Variants in PLA1A observed in about 807,000 individuals in gnomAD.
The protein encoded by PLA1A is phosphatidylserine-specific phospholipase A1alpha.
PLA1A carries 47 observed loss-of-function variants against 49.4 expected under a neutral mutation model. The ratio of observed to expected loss-of-function variants is 0.95; its 90% CI spans 0.75 to 1.21. PLA1A has a LOEUF of 1.21. Ranked by LOEUF, PLA1A falls within the 50% of genes most tolerant of loss-of-function variation. PLA1A has a pLI of 0.00. For synonymous variants in PLA1A, 224 were observed against 207.9 expected (o/e 1.08, Z -0.67); for missense variants, 561 against 563.9 (o/e 0.99, Z 0.05).
intron 3 of PLA1A, among the ~76,000 whole-genome samples, chr3:119,609,180 C>T (rs779133596): frequency 1.8e-4 from 27 of 152,008 alleles, no homozygotes; most frequent in Non-Finnish European, 2.8e-4. Context: ...CTTTAGACAG[C>T]GAATGCAGAT....
At chr3:119,624,910 C>G (rs932838592) in intron 8 of PLA1A, among the ~76,000 whole-genome samples, 1 of 152,216 alleles carries the variant, frequency 6.6e-6, no homozygotes, top group Non-Finnish European at 1.5e-5. Flanking sequence ...GGATTACAGG[C>G]GTGAACCACT....
chr3:119,608,242 GAGAAAGAAAGAAAGAAAGAAAGAA>G (rs560277882), intron 2 of PLA1A, among the ~76,000 whole-genome samples: 26 of 123,730 alleles, frequency 2.1e-4, no homozygotes, highest in Admixed American at 1.3e-3. Flanking sequence ...GAAAGAAAGA[GAGAAAGAAAGAAAGAAAGAAAGAA>G]AGAAAGAAAG....
intron 2 of PLA1A, chr3:119,607,194 C>A: frequency 1.8e-6 from 1 of 564,036 alleles, no homozygotes; most frequent in Non-Finnish European, 3.2e-6. Context: ...CCAGTCTTGT[C>A]TACACACTCA....
At position 119,609,680 on chromosome 3, in the gene PLA1A, C is replaced by T. The variant is rs1038492321; in HGVS notation, c.562+104C>T. The T allele has an allele frequency of 1.3e-5, 8 of 624,472 alleles. No homozygotes were observed. The African/African-American group carries it at 1.5e-4, about 12-fold the overall frequency. The allele number at this position is 624,472 out of a possible 1,614,324, so 38.7% of individuals were successfully genotyped here. On this transcript the variant is annotated intron_variant, in intron 4 of 10. Transcript: ENST00000273371. ...CAGAGGGGAGTACAGAGCCTTTGTT[C>T]TCACGATCAAGTCACCTATTACCAC...
intron 4 of PLA1A, among the ~76,000 whole-genome samples, 191 bp from the exon 5 acceptor site, chr3:119,612,826 G>A (rs1472896830): frequency 6.6e-6 from 1 of 152,178 alleles, no homozygotes; most frequent in Non-Finnish European, 1.5e-5. Flanking sequence ...GGGTCATTGA[G>A]AGGTTACCTC....
chr3:119,629,711 T>G lies in PLA1A; in HGVS notation c.*243T>G. 1 of 463,670 alleles carries G rather than the reference T, an allele frequency of 2.2e-6. No homozygotes were observed. Among genetic ancestry groups the G allele is most frequent in the East Asian group, 3.1e-5 (1 of 32,018 alleles). 28.7% of individuals were successfully genotyped at this position (463,670 alleles called of 1,614,324 possible). A position where few individuals can be genotyped will look rare whatever the true frequency, so the allele number is the denominator to read the frequency against. ...TTTAGCTTTCCCATGCATACTTAAC[T>G]GCACTTGCTTTATCTCCTTGGGCAT... On this transcript the variant is annotated 3_prime_UTR_variant, in exon 11 of 11. Coordinates refer to ENST00000273371, the MANE Select transcript of PLA1A (RefSeq NM_015900.4).
At chr3:119,623,048 C>T (rs552315153) in intron 8 of PLA1A, among the ~76,000 whole-genome samples, 55 of 152,076 alleles carry the variant, frequency 3.6e-4, no homozygotes, top group African/African-American at 1.2e-3. Flanking sequence ...AGGCTGGTCT[C>T]GAACTCCTGA....
Position 119,609,883 on chromosome 3 carries a change from G to T in PLA1A, c.562+307G>T, listed in dbSNP as rs950949175. Among the ~76,000 whole-genome samples the T allele has an allele frequency of 3.3e-5, 5 of 152,168 alleles. No individual in the cohort carries two copies. The East Asian group carries it at 9.6e-4, about 29-fold the overall frequency. On this transcript the variant is annotated intron_variant, in intron 4 of 10. Transcript: ENST00000273371. Reference sequence around the variant, plus strand: ...TGTGCAGGTTTATTACATGGGTGTAGCATGTGATGCTGAGGTTCAGGTTTC... The same window carrying T: ...TGTGCAGGTTTATTACATGGGTGTATCATGTGATGCTGAGGTTCAGGTTTC...
At chr3:119,627,781 C>T (rs2052563831) in intron 9 of PLA1A, among the ~76,000 whole-genome samples, 1 of 152,246 alleles carries the variant, frequency 6.6e-6, no homozygotes, top group Non-Finnish European at 1.5e-5. Flanking sequence ...TCCTTGATCC[C>T]CCACTCACCA....
At position 119,629,307 on chromosome 3, in the gene PLA1A, T is replaced by A. The variant is rs181377952; in HGVS notation, c.1287-77T>A. ...TGCAGATTTCTTTCACCAGACATCA[T>A]GGGAATTCAAAAGCCACACAATGCC... On this transcript the variant is annotated intron_variant, in intron 10 of 10. Transcript: ENST00000273371. 50 of 847,436 alleles carry A rather than the reference T, an allele frequency of 5.9e-5. No homozygotes were observed. In the East Asian group the frequency reaches 1.1e-3, roughly 19 times the overall value. 52.5% of individuals were successfully genotyped at this position (847,436 alleles called of 1,614,324 possible). A position where few individuals can be genotyped will look rare whatever the true frequency, so the allele number is the denominator to read the frequency against.
At position 119,606,806 on chromosome 3, in the gene PLA1A, G is replaced by A. The variant is rs1478523294; in HGVS notation, c.106G>A (p.Ala36Thr). 1.2e-5 allele frequency: 20 copies of A among 1,614,074 alleles called. No individual in the cohort carries two copies. Among genetic ancestry groups the A allele is most frequent in the Admixed American group, 1.7e-5 (1 of 60,008 alleles). Residue 36 changes from alanine (A) to threonine (T), a missense_variant, in exon 2 of 11, where the codon GCT becomes ACT. Transcript: ENST00000273371. The part of the protein sequence containing the change: ...DAPPTPQPKC[A>T]DFQSANLFEG... ...ACCTCCTACCCCACAGCCAAAGTGC[G>A]CTGACTTCCAGAGCGCCAACCTTTT... is the stretch of plus-strand genomic sequence containing the variant.
At chr3:119,608,292 G>GAA (rs1560078937) in intron 2 of PLA1A, among the ~76,000 whole-genome samples, 3 of 140,398 alleles carry the variant, frequency 2.1e-5, no homozygotes, top group Non-Finnish European at 4.8e-5. Flanking sequence ...AAGAAAGAAA[G>GAA]AAAGAAAAAG....
At chr3:119,609,015 C>A in intron 3 of PLA1A, 68 bp downstream of exon 3, 1 of 1,346,536 alleles carries the variant, frequency 7.4e-7, no homozygotes, top group Non-Finnish European at 1.1e-6. Context: ...AAGACAAAAG[C>A]ACTGCCTGAG....
At chr3:119,605,247 C>T (rs1038394110) in intron 1 of PLA1A, among the ~76,000 whole-genome samples, 5 of 152,194 alleles carry the variant, frequency 3.3e-5, no homozygotes, top group Non-Finnish European at 5.9e-5. Context: ...ATCCCAGGAG[C>T]CTCCAAACCT....
At chr3:119,624,634 A>ATT (rs79356811) in intron 8 of PLA1A, among the ~76,000 whole-genome samples, 2 of 143,862 alleles carry the variant, frequency 1.4e-5, no homozygotes, top group Non-Finnish European at 1.5e-5. Flanking sequence ...TAGGGTATCT[A>ATT]TTTTTTTTTT....
chr3:119,621,137 T>G (rs1373306959), intron 8 of PLA1A, among the ~76,000 whole-genome samples: 2 of 152,194 alleles, frequency 1.3e-5, no homozygotes. Context: ...GCTGGGCAGA[T>G]TCACAGCAAC....
At chr3:119,602,493 C>T (rs1258817976) in intron 1 of PLA1A, among the ~76,000 whole-genome samples, 1 of 151,850 alleles carries the variant, frequency 6.6e-6, no homozygotes, top group Non-Finnish European at 1.5e-5. Flanking sequence ...ATTTATATAC[C>T]TTTTTTATTC....
At chr3:119,614,711 T>C (rs1490591845) in intron 5 of PLA1A, among the ~76,000 whole-genome samples, 3 of 151,896 alleles carry the variant, frequency 2.0e-5, no homozygotes, top group African/African-American at 7.3e-5. Context: ...CTCAGGCCCC[T>C]TCAAAGTTGG....
chr3:119,623,767 C>T (rs1274462330), intron 8 of PLA1A, among the ~76,000 whole-genome samples: 1 of 147,112 alleles, frequency 6.8e-6, no homozygotes, highest in African/African-American at 2.5e-5. Flanking sequence ...TCTTGTCACC[C>T]AGGCTGTAAT....
Sources: gnomAD v4.1 joint callset for allele counts (sites outside exome capture counted in the v4.1 genomes callset) on GRCh38, gnomAD v4.1.1 for gene constraint, MANE v1.5 for transcripts, NCBI Gene and HGNC (gene_info 2026-07-23, HGNC 2026-07-21) for gene names.